KCNC2: variants seen among roughly 807,000 people sequenced by gnomAD.
The protein encoded by KCNC2 is voltage-gated potassium channel KCNC2.
KCNC2 carries 21 observed loss-of-function variants against 44.5 expected under a neutral mutation model. The ratio of observed to expected loss-of-function variants is 0.47; its 90% CI spans 0.33 to 0.68. KCNC2 has a LOEUF of 0.68. KCNC2 is among the 30% of genes least tolerant of loss of function. The probability of loss-of-function intolerance (pLI) is 0.01; values close to 1 mark genes in which losing one functional copy is unlikely to be tolerated. For synonymous variants in KCNC2, 391 were observed against 339.1 expected (o/e 1.15, Z -1.68); for missense variants, 589 against 826.2 (o/e 0.71, Z 3.52).
At chr12:75,115,026 G>T (rs373683598) in intron 2 of KCNC2, among the ~76,000 whole-genome samples, 3 of 151,890 alleles carry the variant, frequency 2.0e-5, no homozygotes, top group African/African-American at 4.8e-5. Flanking sequence ...ACCACGCCCG[G>T]CTAATTTTTT....
intron 2 of KCNC2, among the ~76,000 whole-genome samples, chr12:75,161,359 C>T (rs184108027): frequency 2.0e-5 from 3 of 151,652 alleles, no homozygotes; most frequent in East Asian, 2.0e-4. Flanking sequence ...CATAGCAGCA[C>T]GGGAAGCTAC....
At chr12:75,186,610 A>G (rs1459214896) in intron 2 of KCNC2, among the ~76,000 whole-genome samples, 2 of 152,168 alleles carry the variant, frequency 1.3e-5, no homozygotes, top group Non-Finnish European at 2.9e-5. Flanking sequence ...TATTTAATAA[A>G]CTTTCTTTTA....
At chr12:75,160,929 A>G (rs1303250099) in intron 2 of KCNC2, among the ~76,000 whole-genome samples, 1 of 151,846 alleles carries the variant, frequency 6.6e-6, no homozygotes, top group Non-Finnish European at 1.5e-5. Context: ...AAAGCAAATT[A>G]GACAAAAACA....
intron 2 of KCNC2, among the ~76,000 whole-genome samples, chr12:75,095,229 T>C (rs1184437644): frequency 6.6e-6 from 1 of 151,876 alleles, no homozygotes; most frequent in Non-Finnish European, 1.5e-5. Context: ...ATCTATGATC[T>C]TTATCTTCAA....
rs543782926 is a variant in KCNC2, at chr12:75,076,447, T to A, written c.688-25130A>T. Among the ~76,000 whole-genome samples the A allele has an allele frequency of 4.6e-5, 7 of 152,202 alleles. No individual in the cohort carries two copies. In the South Asian group the frequency reaches 1.5e-3, roughly 32 times the overall value. The stretch of plus-strand genomic sequence containing the variant: ...GCTACCACGCCCGGCTAATTTTTTT[T>A]ATTTTTAGTAGAGATAGGTTTTCAC... On this transcript the variant is annotated intron_variant, in intron 2 of 4. Transcript: ENST00000549446.
chr12:75,052,424 T>G (rs1455063521), intron 2 of KCNC2, among the ~76,000 whole-genome samples: 2 of 152,164 alleles, frequency 1.3e-5, no homozygotes, highest in Admixed American at 1.3e-4. Flanking sequence ...ATTAAAGATC[T>G]GAAAACTTGA....
At chr12:75,093,123 T>C (rs1367531457) in intron 2 of KCNC2, among the ~76,000 whole-genome samples, 1 of 151,488 alleles carries the variant, frequency 6.6e-6, no homozygotes, top group Non-Finnish European at 1.5e-5. Context: ...CTATTGAAAT[T>C]TTTTAATCAA....
At chr12:75,047,018 T>C (rs960674930) in intron 4 of KCNC2, among the ~76,000 whole-genome samples, 1 of 151,946 alleles carries the variant, frequency 6.6e-6, no homozygotes, top group Non-Finnish European at 1.5e-5. Context: ...AGGGAGAAAC[T>C]CCAATGAATA....
intron 2 of KCNC2, among the ~76,000 whole-genome samples, chr12:75,066,758 G>A (rs1029855173): frequency 3.3e-5 from 5 of 152,102 alleles, no homozygotes; most frequent in African/African-American, 1.2e-4. Context: ...TTAACAAGAC[G>A]TGGTTTTAAA....
intron 2 of KCNC2, among the ~76,000 whole-genome samples, chr12:75,168,263 A>G (rs1273071346): frequency 1.3e-5 from 2 of 151,604 alleles, no homozygotes; most frequent in East Asian, 3.9e-4. Flanking sequence ...GTAGGTATAC[A>G]CAATAATCTG....
At position 75,137,672 on chromosome 12, in the gene KCNC2, C is replaced by T. The variant is rs559716440; in HGVS notation, c.687+69625G>A. ...TTTCTATACAGATCATCCATATTTC[C>T]GCATGAGAAAAGCTTTACAGTCAAT... On this transcript the variant is annotated intron_variant, in intron 2 of 4. Coordinates refer to ENST00000549446, the MANE Select transcript of KCNC2 (RefSeq NM_139137.4). Among the ~76,000 whole-genome samples the T allele has an allele frequency of 2.7e-4, 41 of 152,122 alleles. 1 individual carries two copies. In the South Asian group the frequency reaches 7.1e-3, roughly 26 times the overall value.
At position 75,072,997 on chromosome 12, in the gene KCNC2, T is replaced by C. The variant is rs186634882; in HGVS notation, c.688-21680A>G. ...CCCTTATTATGGAAATGTCTATTTATGTCCAAAAAAAACCCAAATCTGATC... is the reference window on the plus strand; with the variant it reads ...CCCTTATTATGGAAATGTCTATTTACGTCCAAAAAAAACCCAAATCTGATC... On this transcript the variant is annotated intron_variant, in intron 2 of 4. Transcript: ENST00000549446. 1.4e-3 allele frequency among the ~76,000 whole-genome samples: 220 copies of C among 151,804 alleles called. 1 individual carries two copies. Among genetic ancestry groups the C allele is most frequent in the African/African-American group, 5.0e-3 (206 of 41,126 alleles).
chr12:75,119,378 T>G lies in KCNC2; in HGVS notation c.688-68061A>C, dbSNP rs527787534. ...AGGAAGGTGGATATTTTCTCTCTAG[T>G]AGAGATCGTGAAAAGGGTTAGTTAA... On this transcript the variant is annotated intron_variant, in intron 2 of 4. Coordinates refer to ENST00000549446, the MANE Select transcript of KCNC2 (RefSeq NM_139137.4). Among the ~76,000 whole-genome samples the G allele has an allele frequency of 2.1e-3, 319 of 152,120 alleles. 1 individual carries two copies. The highest frequency in any genetic ancestry group is 7.3e-3 in the African/African-American group (302 of 41,454).
At chr12:75,073,385 A>C (rs7294772) in intron 2 of KCNC2, among the ~76,000 whole-genome samples, 1 of 152,086 alleles carries the variant, frequency 6.6e-6, no homozygotes, top group Non-Finnish European at 1.5e-5. Context: ...TTCAGTACCA[A>C]TTTATGAAGC....
At chr12:75,164,569 A>T (rs1891325068) in intron 2 of KCNC2, among the ~76,000 whole-genome samples, 1 of 151,718 alleles carries the variant, frequency 6.6e-6, no homozygotes, top group Admixed American at 6.6e-5. Context: ...CCTCAGCTGG[A>T]GTGCATTCCT....
At chr12:75,066,869 GT>G (rs1882880566) in intron 2 of KCNC2, among the ~76,000 whole-genome samples, 2 of 152,212 alleles carry the variant, frequency 1.3e-5, no homozygotes, top group South Asian at 4.1e-4. Context: ...GTAAAATAAT[GT>G]TTTAAATCAT....
chr12:75,133,735 C>A (rs570061542), intron 2 of KCNC2, among the ~76,000 whole-genome samples: 1 of 151,960 alleles, frequency 6.6e-6, no homozygotes, highest in South Asian at 2.1e-4. Flanking sequence ...GAATCTAGGC[C>A]TTATATGCAG....
chr12:75,118,129 T>C (rs532860082), intron 2 of KCNC2, among the ~76,000 whole-genome samples: 3 of 152,254 alleles, frequency 2.0e-5, no homozygotes, highest in East Asian at 1.9e-4. Flanking sequence ...AAAATTTAGA[T>C]AGAGCAGAAA....
chr12:75,062,010 A>C (rs547214470), intron 2 of KCNC2, among the ~76,000 whole-genome samples: 1 of 152,230 alleles, frequency 6.6e-6, no homozygotes, highest in South Asian at 2.1e-4. Context: ...CAAAAAATAA[A>C]ACGTATGCTT....
Sources: allele counts gnomAD v4.1 joint callset (sites outside exome capture counted in the v4.1 genomes callset), GRCh38; gene constraint gnomAD v4.1.1; transcripts MANE v1.5; gene names NCBI Gene and HGNC (gene_info 2026-07-23, HGNC 2026-07-21).